The following MAD1L1 variants were observed in gnomAD, a reference collection of about 807,000 sequenced individuals.
MAD1L1 encodes mitotic spindle assembly checkpoint protein MAD1.
MAD1L1 carries 95 observed loss-of-function variants against 96.9 expected under a neutral mutation model. The observed-to-expected ratio is 0.98, with a 90% confidence interval of 0.83 to 1.16. The LOEUF (loss-of-function observed/expected upper bound fraction) is 1.16, where lower values mean the gene tolerates loss of function less well. MAD1L1 is among the 50% of genes most tolerant of loss of function. The probability of loss-of-function intolerance (pLI) is 0.00; values close to 1 mark genes in which losing one functional copy is unlikely to be tolerated. For missense variants in MAD1L1, 1,007 were observed against 954.4 expected (o/e 1.06, Z -0.73); for synonymous variants, 473 against 396.6 (o/e 1.19, Z -2.29).
chr7:1,940,073 G>C (rs1185319530), intron 16 of MAD1L1: 1 of 152,376 alleles, frequency 6.6e-6, no homozygotes. Context: ...GGCCAGTGGA[G>C]ATGGACATGC....
chr7:2,004,677 C>A (rs536011826), intron 13 of MAD1L1, among the ~76,000 whole-genome samples: 1 of 152,224 alleles, frequency 6.6e-6, no homozygotes, highest in East Asian at 1.9e-4. Flanking sequence ...CAGCCTCCGG[C>A]GCCACGCGGG....
intron 17 of MAD1L1, among the ~76,000 whole-genome samples, chr7:1,934,071 C>T (rs974714011): frequency 2.0e-5 from 3 of 152,258 alleles, no homozygotes; most frequent in East Asian, 1.9e-4. Flanking sequence ...ACAGAGGCCA[C>T]CAACACTGTG....
chr7:2,219,332 T>G lies in MAD1L1; in HGVS notation c.596A>C (p.Lys199Thr). 6.4e-7 allele frequency: 1 copy of G among 1,558,330 alleles called. No homozygotes were observed. The highest frequency in any genetic ancestry group is 2.4e-5 in the East Asian group (1 of 42,296). Residue 199 changes from lysine to threonine, a missense_variant and splice_region_variant, in exon 6 of 19, where the codon AAA becomes ACA. Lys to Thr is a moderately conservative substitution (Grantham distance 78). Coordinates refer to ENST00000265854, the MANE Select transcript of MAD1L1 (RefSeq NM_001013836.2). ...GACCCCACACCCTGGCCCCGCCCAC[T>G]TGTGTTGCAGGTCCAGCTGCTCCTG... ...ELQEQLDLQH[K>T]KCQEANQKIQ...
intron 7 of MAD1L1, among the ~76,000 whole-genome samples, chr7:2,216,813 C>T (rs1278116247): frequency 6.6e-6 from 1 of 152,208 alleles, no homozygotes; most frequent in East Asian, 1.9e-4. Context: ...AGTTCCTTCG[C>T]TAAACTGCCC....
chr7:2,078,308 C>A (rs1278008979), intron 11 of MAD1L1, among the ~76,000 whole-genome samples: 1 of 152,226 alleles, frequency 6.6e-6, no homozygotes, highest in Non-Finnish European at 1.5e-5. Flanking sequence ...AGCGCTCCAT[C>A]CACCTCTGGC....
chr7:2,200,762 C>G (rs936172254), intron 10 of MAD1L1, among the ~76,000 whole-genome samples: 4 of 152,226 alleles, frequency 2.6e-5, no homozygotes, highest in Non-Finnish European at 2.9e-5. Flanking sequence ...TGCACACGGC[C>G]CCCCTGCAGC....
chr7:2,214,274 A>G (rs1793142630), intron 9 of MAD1L1, among the ~76,000 whole-genome samples: 2 of 152,220 alleles, frequency 1.3e-5, no homozygotes, highest in South Asian at 4.1e-4. Context: ...ACCATCAAAC[A>G]ATAAATTACA....
Position 1,857,852 on chromosome 7 carries a change from C to T in MAD1L1, c.1998+40348G>A, listed in dbSNP as rs1314910517. Among the ~76,000 whole-genome samples the T allele has an allele frequency of 4.6e-5, 7 of 152,340 alleles. No individual in the cohort carries two copies. The East Asian group carries it at 1.4e-3, about 29-fold the overall frequency. On this transcript the variant is annotated intron_variant, in intron 18 of 18. Coordinates refer to ENST00000265854, the MANE Select transcript of MAD1L1 (RefSeq NM_001013836.2). ...TTCTCATCCACTCAGTCCAGGAAGG[C>T]AGGTGGTGCCTGGGGACCTCCAGGC...
intron 15 of MAD1L1, among the ~76,000 whole-genome samples, chr7:1,966,613 ACTCCAAACAGAAT>A: frequency 6.6e-6 from 1 of 150,892 alleles, no homozygotes; most frequent in African/African-American, 2.4e-5. Context: ...AGCTGAGCAA[ACTCCAAACAGAAT>A]AAACCCAAAG....
chr7:2,038,333 C>T (rs961855595), intron 12 of MAD1L1, among the ~76,000 whole-genome samples: 4 of 152,072 alleles, frequency 2.6e-5, no homozygotes, highest in African/African-American at 9.7e-5. Flanking sequence ...CTAAGAGCAC[C>T]AATGAAGGTG....
At chr7:2,144,207 G>A (rs1180875704) in intron 11 of MAD1L1, among the ~76,000 whole-genome samples, 4 of 152,232 alleles carry the variant, frequency 2.6e-5, no homozygotes, top group Non-Finnish European at 4.4e-5. Context: ...GGAATCATAA[G>A]AGCTTCCAGC....
At chr7:1,868,366 C>T (rs967306403) in intron 18 of MAD1L1, among the ~76,000 whole-genome samples, 5 of 152,170 alleles carry the variant, frequency 3.3e-5, no homozygotes, top group South Asian at 2.1e-4. Context: ...TGGCTGCTGC[C>T]GCCCAGCACA....
intron 18 of MAD1L1, among the ~76,000 whole-genome samples, chr7:1,816,784 G>GGGCAGGAGTCACACAGCA (rs1781830187): frequency 6.6e-6 from 1 of 152,018 alleles, no homozygotes. Context: ...AGGGGACACA[G>GGGCAGGAGTCACACAGCA]GGCAGGAGTC....
chr7:1,981,757 C>A (rs1780917861), intron 14 of MAD1L1, among the ~76,000 whole-genome samples: 1 of 152,178 alleles, frequency 6.6e-6, no homozygotes, highest in African/African-American at 2.4e-5. Context: ...ACAACACCCC[C>A]TGGGCTGGGG....
At chr7:1,937,370 G>T (rs1411286560) in intron 16 of MAD1L1, among the ~76,000 whole-genome samples, 1 of 152,212 alleles carries the variant, frequency 6.6e-6, no homozygotes. Flanking sequence ...GAGATGGAAG[G>T]CAAGGGAGCC....
chr7:2,002,597 C>T (rs867935840), intron 13 of MAD1L1, among the ~76,000 whole-genome samples: 9 of 152,190 alleles, frequency 5.9e-5, no homozygotes, highest in Admixed American at 1.3e-4. Flanking sequence ...TCCTCCACCA[C>T]GGCCACCCCC....
intron 11 of MAD1L1, among the ~76,000 whole-genome samples, chr7:2,137,794 T>G (rs1431694631): frequency 6.6e-6 from 1 of 152,204 alleles, no homozygotes; most frequent in East Asian, 1.9e-4. Flanking sequence ...CAGCAGTTTC[T>G]GAACTGTGCT....
At position 1,838,268 on chromosome 7, in the gene MAD1L1, G is replaced by A. The variant is rs1783043085; in HGVS notation, c.1999-22040C>T. On this transcript the variant is annotated intron_variant, in intron 18 of 18. Coordinates refer to ENST00000265854, the MANE Select transcript of MAD1L1 (RefSeq NM_001013836.2). ...GGACGGGGAGAAGCTGGGAGAACAG[G>A]CAGCTCCTTACAAAGCTCAAAGTTA... Among the ~76,000 whole-genome samples the A allele has an allele frequency of 1.3e-5, 2 of 152,218 alleles. 1 individual carries two copies. Among genetic ancestry groups the A allele is most frequent in the South Asian group, 4.1e-4 (2 of 4,834 alleles).
chr7:2,010,397 A>C (rs1191521634), intron 13 of MAD1L1, among the ~76,000 whole-genome samples: 3 of 152,054 alleles, frequency 2.0e-5, no homozygotes, highest in African/African-American at 7.2e-5. Flanking sequence ...TTCTCCACAC[A>C]CCTCCACACG....
Sources: allele counts gnomAD v4.1 joint callset (sites outside exome capture counted in the v4.1 genomes callset), GRCh38; gene constraint gnomAD v4.1.1; transcripts MANE v1.5; gene names NCBI Gene and HGNC (gene_info 2026-07-23, HGNC 2026-07-21).